Variants in TOR1AIP1 observed in about 807,000 individuals in gnomAD.
TOR1AIP1 encodes torsin-1A-interacting protein 1.
In TOR1AIP1, 54 loss-of-function variants were observed where a neutral mutation model predicts 63.3. The ratio of observed to expected loss-of-function variants is 0.85; its 90% CI spans 0.69 to 1.07. The LOEUF is 1.07. Among genes scored for constraint, TOR1AIP1 ranks in the 50% least tolerant of loss-of-function variants. The probability of loss-of-function intolerance (pLI) is 0.00; values close to 1 mark genes in which losing one functional copy is unlikely to be tolerated. For synonymous variants in TOR1AIP1, 294 were observed against 273.5 expected (o/e 1.07, Z -0.74); for missense variants, 736 against 715.0 (o/e 1.03, Z -0.33).
rs1571734769 is a variant in TOR1AIP1, at chr1:179,907,828, A to G, written c.802A>G (p.Asn268Asp). Reference protein sequence around the residue: ...ESFWQSSQSQNFTAHDKQPSV... With the variant: ...ESFWQSSQSQDFTAHDKQPSV... ...ATCCCTGTTTTCTGTTTCAGGTCAAAACTTCACAGCTCATGATAAGCAACC... is the reference window on the plus strand; with the variant it reads ...ATCCCTGTTTTCTGTTTCAGGTCAAGACTTCACAGCTCATGATAAGCAACC... Residue 268 changes from asparagine (N) to aspartate (D), a missense_variant, in exon 7 of 10, where the codon AAC becomes GAC. Transcript: ENST00000606911. 2 of 1,590,738 alleles carry G rather than the reference A, an allele frequency of 1.3e-6. No individual in the cohort carries two copies. The highest frequency in any genetic ancestry group is 8.6e-7 in the Non-Finnish European group (1 of 1,168,554).
intron 6 of TOR1AIP1, among the ~76,000 whole-genome samples, chr1:179,906,576 C>G (rs191284927): frequency 2.6e-5 from 4 of 152,192 alleles, no homozygotes; most frequent in African/African-American, 7.2e-5. Flanking sequence ...GCATGTTTTA[C>G]TTCATAGCTA....
chr1:179,918,010 T>C lies in TOR1AIP1; in HGVS notation c.1523T>C (p.Leu508Ser). 1 of 1,614,240 alleles carries C rather than the reference T, an allele frequency of 6.2e-7. No individual in the cohort carries two copies. The highest frequency in any genetic ancestry group is 8.5e-7 in the Non-Finnish European group (1 of 1,180,048). ...AACGCGGCCTTCAAAGATGTAGCCT[T>C]AGTCCTGACTGTCTTATTGGAGGAA... is the stretch of plus-strand genomic sequence containing the variant. Reference protein sequence around the residue: ...HENAAFKDVALVLTVLLEEET... With the variant: ...HENAAFKDVASVLTVLLEEET... Residue 508 changes from leucine to serine, a missense_variant, in exon 10 of 10, where the codon TTA (leucine) becomes TCA (serine). This residue lies in a region of TOR1AIP1 where 272 missense variants were observed against 344.1 expected (regional missense o/e 0.79). Coordinates refer to ENST00000606911, the MANE Select transcript of TOR1AIP1 (RefSeq NM_015602.4).
chr1:179,902,833 G>T (rs1007849141), intron 5 of TOR1AIP1, among the ~76,000 whole-genome samples: 4 of 152,086 alleles, frequency 2.6e-5, no homozygotes, highest in African/African-American at 9.7e-5. Context: ...GCTGTTATTA[G>T]TGTTCATACA....
At position 179,901,285 on chromosome 1, in the gene TOR1AIP1, T is replaced by C. The variant is rs752038702; in HGVS notation, c.653-17T>C. The C allele has an allele frequency of 3.2e-6, 5 of 1,567,992 alleles. No homozygotes were observed. In the Admixed American group the frequency reaches 6.9e-5, roughly 22 times the overall value. ...ATTAAAATAGACTATATTAGTATAT[T>C]GTTTACTTCTCTTTAGGAGAAACTG... On this transcript the variant is annotated splice_polypyrimidine_tract_variant and intron_variant, in intron 4 of 9. Transcript: ENST00000606911.
chr1:179,898,607 A>G (rs1286705348), intron 3 of TOR1AIP1, among the ~76,000 whole-genome samples: 2 of 152,184 alleles, frequency 1.3e-5, no homozygotes, highest in African/African-American at 4.8e-5. Context: ...TGCCTGTATT[A>G]CAGTCTCAGT....
In TOR1AIP1 at chr1:179,887,749, A is replaced by G. The variant is rs138446388; in HGVS notation, c.554-1564A>G. The G allele has an allele frequency of 3.9e-3, 601 of 152,332 alleles. 4 individuals are homozygous for G. Among genetic ancestry groups the G allele is most frequent in the African/African-American group, 0.013 (560 of 41,580 alleles). The allele number at this position is 152,332 out of a possible 1,614,324, so 9.4% of individuals were successfully genotyped here. Reference sequence around the variant, plus strand: ...GAAGTTAAATGGGTATTTTTGTTCTACTAGTGTGGTTTCTAGCTAAACAAT... The same window carrying G: ...GAAGTTAAATGGGTATTTTTGTTCTGCTAGTGTGGTTTCTAGCTAAACAAT... On this transcript the variant is annotated intron_variant, in intron 2 of 9. Coordinates refer to ENST00000606911, the MANE Select transcript of TOR1AIP1 (RefSeq NM_015602.4).
chr1:179,889,652 C>CT (rs10711211), intron 3 of TOR1AIP1, among the ~76,000 whole-genome samples: 252 of 144,924 alleles, frequency 1.7e-3, no homozygotes, highest in South Asian at 3.9e-3. Context: ...TCATTTCTGT[C>CT]TTTTTTTTTT....
intron 7 of TOR1AIP1, among the ~76,000 whole-genome samples, chr1:179,908,314 T>C (rs1648717961): frequency 6.6e-6 from 1 of 152,222 alleles, no homozygotes; most frequent in African/African-American, 2.4e-5. Context: ...GGATTGGTAC[T>C]ACCTATAATA....
chr1:179,894,959 G>A (rs189837659), intron 3 of TOR1AIP1, among the ~76,000 whole-genome samples: 8 of 152,258 alleles, frequency 5.3e-5, no homozygotes, highest in South Asian at 2.1e-4. Flanking sequence ...GTAAAAGGCC[G>A]GGTTATACCT....
chr1:179,904,241 A>C (rs760551589), intron 6 of TOR1AIP1, among the ~76,000 whole-genome samples: 9 of 152,228 alleles, frequency 5.9e-5, no homozygotes, highest in Non-Finnish European at 1.2e-4. Context: ...AACAAACAAA[A>C]AACTACTACT....
chr1:179,905,453 A>G (rs1330598561), intron 6 of TOR1AIP1, among the ~76,000 whole-genome samples: 1 of 152,174 alleles, frequency 6.6e-6, no homozygotes, highest in Admixed American at 6.5e-5. Context: ...ATTCAATTTT[A>G]TATTTTTTAT....
chr1:179,917,194 A>G (rs1438856229), intron 9 of TOR1AIP1, among the ~76,000 whole-genome samples: 3 of 152,228 alleles, frequency 2.0e-5, no homozygotes. Context: ...ATATGTTTAA[A>G]AACTTTTTTC....
intron 1 of TOR1AIP1, 63 bp from the exon 2 acceptor site, chr1:179,884,629 C>G (rs1647858830): frequency 8.8e-6 from 12 of 1,360,168 alleles, no homozygotes; most frequent in African/African-American, 1.5e-5. Context: ...AATGCATAAT[C>G]TGTGCCATGA....
chr1:179,909,166 AAG>A (rs1202806444), intron 8 of TOR1AIP1, among the ~76,000 whole-genome samples: 1 of 152,094 alleles, frequency 6.6e-6, no homozygotes, highest in Non-Finnish European at 1.5e-5. Context: ...ATCTGAAAAA[AAG>A]AAAAAAAAAG....
At chr1:179,913,767 T>C (rs1648908242) in intron 8 of TOR1AIP1, 3 of 672,794 alleles carry the variant, frequency 4.5e-6, no homozygotes, top group Non-Finnish European at 8.1e-6. Flanking sequence ...TTGTGTGCTT[T>C]GTACTAGACC....
intron 3 of TOR1AIP1, among the ~76,000 whole-genome samples, chr1:179,895,785 A>G (rs979966439): frequency 6.6e-6 from 1 of 152,120 alleles, no homozygotes; most frequent in Non-Finnish European, 1.5e-5. Context: ...CTGTAGTCCC[A>G]GCTACTCGGG....
chr1:179,909,919 A>C (rs1346390443), intron 8 of TOR1AIP1, among the ~76,000 whole-genome samples: 1 of 152,060 alleles, frequency 6.6e-6, no homozygotes, highest in African/African-American at 2.4e-5. Context: ...ATGCGCCACC[A>C]TGCCCAGCTA....
At chr1:179,890,432 A>G (rs16854921) in intron 3 of TOR1AIP1, among the ~76,000 whole-genome samples, 2,861 of 152,302 alleles carry the variant, frequency 0.019, 107 homozygotes, top group African/African-American at 0.065. Flanking sequence ...TATCCTTTTA[A>G]GTATTCCAGT....
chr1:179,890,329 A>G (rs1648031774), intron 3 of TOR1AIP1, among the ~76,000 whole-genome samples: 1 of 152,208 alleles, frequency 6.6e-6, no homozygotes, highest in South Asian at 2.1e-4. Flanking sequence ...TGGGAACTAA[A>G]AAGGAAATGT....
Sources: allele counts gnomAD v4.1 joint callset (sites outside exome capture counted in the v4.1 genomes callset), GRCh38; gene constraint gnomAD v4.1.1; regional missense constraint gnomAD v4.1.1; transcripts MANE v1.5; gene names NCBI Gene and HGNC (gene_info 2026-07-23, HGNC 2026-07-21).